The following ERP29 variants were observed in gnomAD, a reference collection of about 807,000 sequenced individuals.
The protein encoded by ERP29 is endoplasmic reticulum protein 29, also known as endoplasmic reticulum resident protein 29.
Under a neutral mutation model 21.7 loss-of-function variants are expected in ERP29, and 14 were observed. The observed-to-expected ratio is 0.64, with a 90% CI of 0.43 to 1.01. ERP29 has a LOEUF of 1.01. Ranked by LOEUF, ERP29 falls within the 50% of genes least tolerant of loss-of-function variation. The pLI, the probability that ERP29 is intolerant of heterozygous loss-of-function variation, is 0.00. For missense variants in ERP29, 286 were observed against 327.3 expected, an observed-to-expected ratio of 0.87 and a Z score of 0.97; for synonymous variants, 129 against 139.1, an observed-to-expected ratio of 0.93 and a Z score of 0.51.
In ERP29 at chr12:112,019,913, C is replaced by T. The variant is rs200035198; in HGVS notation, c.283+19C>T. The T allele has an allele frequency of 8.7e-6, 14 of 1,613,354 alleles. No individual in the cohort carries two copies. The East Asian group carries it at 8.9e-5, about 10-fold the overall frequency. On this transcript the variant is annotated intron_variant, in intron 2 of 2. Transcript: ENST00000261735. The stretch of plus-strand genomic sequence containing the variant: ...ATCTCAGGTATGGACAAGTCCAGGA[C>T]GGCTGGGGGGGCAGAGAGGGAGGAA...
At chr12:112,021,761 C>T (rs1388786198) in intron 2 of ERP29, among the ~76,000 whole-genome samples, 1 of 151,920 alleles carries the variant, frequency 6.6e-6, no homozygotes, top group South Asian at 2.1e-4. Context: ...CTCCTGACCT[C>T]GTGATCTGTC....
At chr12:112,016,889 C>CA (rs200340211) in intron 1 of ERP29, among the ~76,000 whole-genome samples, 300 of 145,874 alleles carry the variant, frequency 2.1e-3, no homozygotes, top group African/African-American at 5.0e-3. Flanking sequence ...GACCCTGCCT[C>CA]AAAAAAAAAA....
chr12:112,020,378 G>A (rs1375055030), intron 2 of ERP29, among the ~76,000 whole-genome samples: 1 of 152,150 alleles, frequency 6.6e-6, no homozygotes, highest in African/African-American at 2.4e-5. Context: ...CCAGCATTTA[G>A]TGGCTGACAG....
chr12:112,021,417 C>G (rs1463460161), intron 2 of ERP29, among the ~76,000 whole-genome samples: 1 of 151,778 alleles, frequency 6.6e-6, no homozygotes, highest in Non-Finnish European at 1.5e-5. Context: ...CCCACTTTGT[C>G]ACATCGCGCT....
chr12:112,020,951 A>T (rs775718327), intron 2 of ERP29, among the ~76,000 whole-genome samples: 1 of 152,218 alleles, frequency 6.6e-6, no homozygotes. Flanking sequence ...AACCCTAGGC[A>T]TCCAGTACTA....
intron 2 of ERP29, among the ~76,000 whole-genome samples, chr12:112,020,579 T>C (rs2078039597): frequency 1.3e-5 from 2 of 152,122 alleles, no homozygotes; most frequent in African/African-American, 2.4e-5. Flanking sequence ...GGCTTACTTA[T>C]TTCACTTCCC....
chr12:112,020,783 G>A (rs537536649), intron 2 of ERP29, among the ~76,000 whole-genome samples: 2 of 152,310 alleles, frequency 1.3e-5, no homozygotes, highest in African/African-American at 4.8e-5. Context: ...GTGCCAGGCC[G>A]CTGTGCTGAG....
In ERP29 at chr12:112,023,202, TAAAACTC is replaced by T. The variant is rs2078062401; in HGVS notation, c.*553_*559del. 1 of 152,700 alleles carries T rather than the reference TAAAACTC, an allele frequency of 6.5e-6. No individual in the cohort carries two copies. Among genetic ancestry groups the T allele is most frequent in the African/African-American group, 2.4e-5 (1 of 41,448 alleles). 9.5% of individuals were successfully genotyped at this position (152,700 alleles called of 1,614,324 possible). A position where few individuals can be genotyped will look rare whatever the true frequency, so the allele number is the denominator to read the frequency against. Reference sequence around the variant, plus strand: ...TAAAGTTTGTCTATTTTCCAGTCCTTAAAACTCAATAGCAGTATTGATGAATATATTG... The same window carrying T: ...TAAAGTTTGTCTATTTTCCAGTCCTTAATAGCAGTATTGATGAATATATTG... On this transcript the variant is annotated 3_prime_UTR_variant, in exon 3 of 3. Coordinates refer to ENST00000261735, the MANE Select transcript of ERP29 (RefSeq NM_006817.4).
In ERP29 at chr12:112,023,405, A is replaced by C. The variant is rs1240080343; in HGVS notation, c.*753A>C. On this transcript the variant is annotated 3_prime_UTR_variant, in exon 3 of 3. Coordinates refer to ENST00000261735, the MANE Select transcript of ERP29 (RefSeq NM_006817.4). ...CCATCTAAATCACTATCACTAAATA[A>C]ATACTAACTTCTAGAAAGCAGAATA... 1.3e-5 allele frequency: 2 copies of C among 152,224 alleles called. No homozygotes were observed. The highest frequency in any genetic ancestry group is 2.9e-5 in the Non-Finnish European group (2 of 68,032). The allele number at this position is 152,224 out of a possible 1,614,324, so 9.4% of individuals were successfully genotyped here. A position where few individuals can be genotyped will look rare whatever the true frequency, so the allele number is the denominator to read the frequency against.
At chr12:112,015,205 G>A (rs1325161784) in intron 1 of ERP29, 1 of 143,628 alleles carries the variant, frequency 7.0e-6, no homozygotes, top group African/African-American at 2.6e-5. Flanking sequence ...AAAAAAGTGT[G>A]GGCTGGGTGC....
intron 1 of ERP29, among the ~76,000 whole-genome samples, chr12:112,017,474 G>A (rs1471253639): frequency 2.0e-5 from 3 of 152,162 alleles, no homozygotes; most frequent in Non-Finnish European, 4.4e-5. Flanking sequence ...ACCATGAAAA[G>A]AACTGGGGAA....
At chr12:112,015,704 G>A (rs2078007804) in intron 1 of ERP29, among the ~76,000 whole-genome samples, 1 of 152,148 alleles carries the variant, frequency 6.6e-6, no homozygotes, top group African/African-American at 2.4e-5. Context: ...TACCACCCTA[G>A]TCTAGGTCAA....
intron 1 of ERP29, 127 bp downstream of exon 1, chr12:112,013,736 C>A: frequency 9.4e-7 from 1 of 1,061,160 alleles, no homozygotes; most frequent in Non-Finnish European, 1.3e-6. Flanking sequence ...CCAGAGCTTC[C>A]CGGCGTCCTA....
rs753594613 is a variant in ERP29 at position 112,013,519 on chromosome 12, C to T, written c.54C>T (p.Leu18=). The T allele has an allele frequency of 6.2e-7, 1 of 1,612,826 alleles. No homozygotes were observed. Among genetic ancestry groups the T allele is most frequent in the Admixed American group, 1.7e-5 (1 of 59,846 alleles). Residue 18 remains leucine, a synonymous_variant, in exon 1 of 3, where the codon CTC becomes CTT. Coordinates refer to ENST00000261735, the MANE Select transcript of ERP29 (RefSeq NM_006817.4). ...AAFLSPLLPL[L]LGFLLLSAPH... ...TTCTCTCCCCGCTGCTTCCCCTTCT[C>T]CTGGGCTTCCTGCTCCTCTCCGCTC...
At position 112,022,390 on chromosome 12, in the gene ERP29, A is replaced by G. The variant is rs955603932; in HGVS notation, c.524A>G (p.Glu175Gly). ...AGEFIRASGV[E>G]ARQALLKQGQ... ...GAGTTCATCAGGGCCTCTGGTGTGG[A>G]GGCCCGCCAGGCCCTCTTGAAGCAG... The change falls in exon 3 of 3, where the codon GAG becomes GGG. Residue 175 changes from glutamate (E) to glycine (G), a missense_variant. By Grantham distance (98) the Glu-to-Gly change is moderately conservative. Transcript: ENST00000261735. The G allele has an allele frequency of 1.9e-6, 3 of 1,614,064 alleles. No individual in the cohort carries two copies. In the African/African-American group the frequency reaches 4.0e-5, roughly 22 times the overall value.
At chr12:112,015,511 G>T (rs1311975383) in intron 1 of ERP29, among the ~76,000 whole-genome samples, 4 of 151,722 alleles carry the variant, frequency 2.6e-5, no homozygotes, top group African/African-American at 9.7e-5. Flanking sequence ...AATGGTGTAG[G>T]TGTGGCTGAT....
intron 2 of ERP29, 23 bp downstream of exon 2, chr12:112,019,917 T>C: frequency 6.2e-7 from 1 of 1,613,030 alleles, no homozygotes; most frequent in Non-Finnish European, 8.5e-7. Context: ...CCAGGACGGC[T>C]GGGGGGGCAG....
In ERP29 at chr12:112,013,480, G is replaced by A. The variant is rs138489099; in HGVS notation, c.15G>A (p.Val5=). ...AACCCGGCGATATGGCTGCCGCTGT[G>A]CCCCGCGCCGCATTTCTCTCCCCGC... is the stretch of plus-strand genomic sequence containing the variant. MAAA[V]PRAAFLSPLL... is the part of the protein sequence containing the mutation. The change falls in exon 1 of 3, where the codon GTG becomes GTA. Residue 5 remains valine, a synonymous_variant. Coordinates refer to ENST00000261735, the MANE Select transcript of ERP29 (RefSeq NM_006817.4). The A allele has an allele frequency of 4.3e-6, 7 of 1,612,378 alleles. No individual in the cohort carries two copies. The highest frequency in any genetic ancestry group is 1.7e-5 in the Admixed American group (1 of 59,732).
chr12:112,019,933 G>A, intron 2 of ERP29, 39 bp downstream of exon 2: 1 of 1,611,584 alleles, frequency 6.2e-7, no homozygotes, highest in Non-Finnish European at 8.5e-7. Context: ...GGCAGAGAGG[G>A]AGGAAGCTAG....
Sources: gnomAD v4.1 joint callset for allele counts (sites outside exome capture counted in the v4.1 genomes callset) on GRCh38, gnomAD v4.1.1 for gene constraint, MANE v1.5 for transcripts, NCBI Gene and HGNC (gene_info 2026-07-23, HGNC 2026-07-21) for gene names.